Variants in CHL1 observed in about 807,000 individuals in gnomAD.
CHL1 encodes the protein neural cell adhesion molecule L1-like protein.
In CHL1, 96 loss-of-function variants were observed where a neutral mutation model predicts 141.9. That is an observed-to-expected ratio of 0.68 (90% CI 0.57 to 0.80). The LOEUF (loss-of-function observed/expected upper bound fraction) is 0.80. CHL1 is among the 30% of genes least tolerant of loss of function. The pLI is 0.00. For missense variants in CHL1, 1,820 were observed against 1,457.2 expected (o/e 1.25, Z -4.05); for synonymous variants, 613 against 502.2 (o/e 1.22, Z -2.95).
intron 1 of CHL1, among the ~76,000 whole-genome samples, chr3:233,410 A>G (rs1295056480): frequency 2.0e-5 from 3 of 152,144 alleles, no homozygotes; most frequent in Non-Finnish European, 4.4e-5. Flanking sequence ...GTAGCTTGCT[A>G]AACTGGGTCA....
rs1238841627 is a variant in CHL1, at chr3:348,080, A to G, written c.849-1279A>G. Reference sequence around the variant, plus strand: ...ATTGCTCAATTATTACATAGTAACTAATGGGCAATTTGACAGGAAGCATAT... The same window carrying G: ...ATTGCTCAATTATTACATAGTAACTGATGGGCAATTTGACAGGAAGCATAT... On this transcript the variant is annotated intron_variant, in intron 9 of 27. Coordinates refer to ENST00000256509, the MANE Select transcript of CHL1 (RefSeq NM_006614.4). 2.6e-5 allele frequency among the ~76,000 whole-genome samples: 4 copies of G among 152,208 alleles called. No individual in the cohort carries two copies. In the East Asian group the frequency reaches 5.8e-4, roughly 22 times the overall value.
intron 9 of CHL1, among the ~76,000 whole-genome samples, chr3:344,962 C>T (rs1559287231): frequency 6.6e-6 from 1 of 151,560 alleles, no homozygotes; most frequent in African/African-American, 2.4e-5. Context: ...GCACTAAAAC[C>T]TGGATGACAG....
intron 2 of CHL1, among the ~76,000 whole-genome samples, chr3:317,660 A>G (rs1423165941): frequency 6.6e-6 from 1 of 151,382 alleles, no homozygotes; most frequent in Non-Finnish European, 1.5e-5. Flanking sequence ...TTCAGAAAAA[A>G]AAAAAAACAG....
chr3:283,256 C>T (rs547723666), intron 2 of CHL1, among the ~76,000 whole-genome samples: 1 of 152,162 alleles, frequency 6.6e-6, no homozygotes, highest in Non-Finnish European at 1.5e-5. Context: ...CAGAAATTAG[C>T]CTGCAGTCTT....
intron 1 of CHL1, among the ~76,000 whole-genome samples, chr3:209,239 A>G (rs1255790724): frequency 2.0e-5 from 3 of 152,252 alleles, no homozygotes; most frequent in Admixed American, 6.5e-5. Flanking sequence ...ATGCATAATT[A>G]TATTATTTCA....
intron 18 of CHL1, 47 bp from the exon 19 acceptor site, chr3:383,769 C>T (rs1261817265): frequency 2.9e-6 from 4 of 1,394,396 alleles, no homozygotes; most frequent in Non-Finnish European, 4.1e-6. Flanking sequence ...TGATGACTTA[C>T]CTATGGGTTA....
chr3:352,983 T>C (rs1703392654), intron 10 of CHL1, among the ~76,000 whole-genome samples: 1 of 152,192 alleles, frequency 6.6e-6, no homozygotes, highest in African/African-American at 2.4e-5. Context: ...TGTATTTATC[T>C]GTGGAATGGC....
At chr3:329,331 G>C (rs569350277) in intron 5 of CHL1, among the ~76,000 whole-genome samples, 1 of 151,636 alleles carries the variant, frequency 6.6e-6, no homozygotes, top group South Asian at 2.1e-4. Context: ...ATGAACACTT[G>C]ATTCTGGGGG....
chr3:243,341 A>G (rs1338725292), intron 1 of CHL1, among the ~76,000 whole-genome samples: 1 of 152,150 alleles, frequency 6.6e-6, no homozygotes, highest in Non-Finnish European at 1.5e-5. Flanking sequence ...AGTGAACACA[A>G]TTATATTAAA....
chr3:259,678 A>G (rs11920276), intron 2 of CHL1, among the ~76,000 whole-genome samples: 8,445 of 151,788 alleles, frequency 0.056, 753 homozygotes, highest in African/African-American at 0.19. Flanking sequence ...CTTTTTATTT[A>G]TGTATTACAA....
chr3:281,647 T>G (rs550932263), intron 2 of CHL1, among the ~76,000 whole-genome samples: 1 of 151,612 alleles, frequency 6.6e-6, no homozygotes, highest in Admixed American at 6.6e-5. Context: ...GCAACCTCTG[T>G]CTCCTGGGTT....
chr3:382,602 ATAG>A lies in CHL1; in HGVS notation c.2108_2110del (p.Ile703_Ala704delinsThr). ...ATTTGTGAGATACCAGTTCAGGGTCATAGCCGTGAACGAAGTAGGGAGAAGTCA... is the reference window on the plus strand; with the variant it reads ...ATTTGTGAGATACCAGTTCAGGGTCACCGTGAACGAAGTAGGGAGAAGTCA... On this transcript the variant is annotated inframe_deletion, in exon 18 of 28. Coordinates refer to ENST00000256509, the MANE Select transcript of CHL1 (RefSeq NM_006614.4). 6.2e-7 allele frequency: 1 copy of A among 1,614,006 alleles called. No homozygotes were observed. Among genetic ancestry groups the A allele is most frequent in the Non-Finnish European group, 8.5e-7 (1 of 1,179,916 alleles).
rs1030333695 is a variant in CHL1, at chr3:406,991, G to C, written c.*1280G>C. 1.3e-5 allele frequency: 2 copies of C among 151,988 alleles called. No individual in the cohort carries two copies. Among genetic ancestry groups the C allele is most frequent in the African/African-American group, 4.8e-5 (2 of 41,382 alleles). The allele number at this position is 151,988 out of a possible 1,614,324, so 9.4% of individuals were successfully genotyped here. A position where few individuals can be genotyped will look rare whatever the true frequency, so the allele number is the denominator to read the frequency against. On this transcript the variant is annotated 3_prime_UTR_variant, in exon 28 of 28. Transcript: ENST00000256509. ...ATATGTTATTTTAAACATCTTTGTG[G>C]TGAGAATTTTTTCCCCGATATTCTC...
chr3:285,710 G>A lies in CHL1; in HGVS notation c.-94-33973G>A, dbSNP rs557901033. Among the ~76,000 whole-genome samples, 15 of 152,154 alleles carry A rather than the reference G, an allele frequency of 9.9e-5. 1 individual carries two copies. In the South Asian group the frequency reaches 3.1e-3, roughly 32 times the overall value. On this transcript the variant is annotated intron_variant, in intron 2 of 27. Transcript: ENST00000256509. ...TTGAATGAAATACTATGTATAATAT[G>A]CACATTACATAGCTAATGCTCAATA...
At chr3:242,109 T>C (rs1294588747) in intron 1 of CHL1, among the ~76,000 whole-genome samples, 2 of 152,172 alleles carry the variant, frequency 1.3e-5, no homozygotes, top group Admixed American at 1.3e-4. Context: ...TGCTAAAATT[T>C]ATCATAAGAA....
chr3:366,730 G>A (rs574721505), intron 15 of CHL1, among the ~76,000 whole-genome samples: 68 of 150,334 alleles, frequency 4.5e-4, no homozygotes, highest in Non-Finnish European at 8.0e-4. Context: ...AGAAGAGGCT[G>A]CATACTAGTC....
chr3:361,006 G>A (rs577734322), intron 12 of CHL1, among the ~76,000 whole-genome samples: 1 of 152,038 alleles, frequency 6.6e-6, no homozygotes, highest in Admixed American at 6.6e-5. Context: ...GGACATTTGG[G>A]TTGGTTCCAA....
At chr3:293,685 T>C (rs575023458) in intron 2 of CHL1, among the ~76,000 whole-genome samples, 1 of 152,350 alleles carries the variant, frequency 6.6e-6, no homozygotes, top group Admixed American at 6.5e-5. Context: ...TCACTTTTGT[T>C]CTGTCAAAGA....
At chr3:352,762 A>G (rs1037351180) in intron 10 of CHL1, among the ~76,000 whole-genome samples, 6 of 152,236 alleles carry the variant, frequency 3.9e-5, no homozygotes, top group Admixed American at 1.3e-4. Flanking sequence ...AAGCTTATAA[A>G]GAAGGGTTAA....
Sources: allele counts gnomAD v4.1 joint callset (sites outside exome capture counted in the v4.1 genomes callset), GRCh38; gene constraint gnomAD v4.1.1; transcripts MANE v1.5; gene names NCBI Gene and HGNC (gene_info 2026-07-23, HGNC 2026-07-21).